The following CNTNAP3B variants were observed in gnomAD, a reference collection of about 807,000 sequenced individuals.
CNTNAP3B encodes the protein contactin associated protein family member 3B.
Under a neutral mutation model 108.9 loss-of-function variants are expected in CNTNAP3B, and 25 were observed. The ratio of observed to expected loss-of-function variants is 0.23; its 90% CI spans 0.17 to 0.32. The LOEUF is 0.32. Ranked by LOEUF, CNTNAP3B falls within the 10% of genes least tolerant of loss-of-function variation. The pLI is 1.00. For missense variants in CNTNAP3B, 252 were observed against 1,210.4 expected (o/e 0.21, Z 11.75); for synonymous variants, 103 against 473.4 (o/e 0.22, Z 10.16).
Position 42,049,220 on chromosome 9 carries a change from C to A in CNTNAP3B, c.390+27649G>T, listed in dbSNP as rs1317866876. Among the ~76,000 whole-genome samples the A allele has an allele frequency of 5.2e-5, 7 of 134,788 alleles. 2 individuals carry two copies. In the East Asian group the frequency reaches 1.6e-3, roughly 31 times the overall value. The allele number at this position is 134,788 out of a possible 152,430, so 88.4% of individuals were successfully genotyped here. A position where few individuals can be genotyped will look rare whatever the true frequency, so the allele number is the denominator to read the frequency against. On this transcript the variant is annotated intron_variant, in intron 3 of 23. Coordinates refer to ENST00000377561, the MANE Select transcript of CNTNAP3B (RefSeq NM_001201380.3). ...CTCATCACCACCTGGGATGGGGGCA[C>A]CATCTTTGAAATCTTATTTAAACTC...
intron 1 of CNTNAP3B, among the ~76,000 whole-genome samples, chr9:42,115,040 C>A (rs1431409065): frequency 7.5e-6 from 1 of 134,172 alleles, no homozygotes; most frequent in African/African-American, 3.0e-5. Context: ...GGTGACAGAG[C>A]AAGACTCCAT....
intron 9 of CNTNAP3B, among the ~76,000 whole-genome samples, chr9:41,984,047 C>T (rs1424657098): frequency 1.2e-5 from 1 of 85,604 alleles, no homozygotes; most frequent in African/African-American, 4.7e-5. Context: ...CGAGACTCCG[C>T]CTCAAAAAAT....
At chr9:42,109,884 T>G (rs1237488486) in intron 1 of CNTNAP3B, among the ~76,000 whole-genome samples, 3 of 136,460 alleles carry the variant, frequency 2.2e-5, no homozygotes, top group Admixed American at 1.5e-4. Flanking sequence ...ATAAAGGTGA[T>G]GATGAACAGA....
intron 14 of CNTNAP3B, among the ~76,000 whole-genome samples, chr9:41,931,021 C>T (rs1309885113): frequency 2.0e-5 from 3 of 152,234 alleles, no homozygotes; most frequent in Admixed American, 2.0e-4. Flanking sequence ...CACTCTTAGT[C>T]CAGTTACGGT....
chr9:41,954,659 TA>T (rs1824800579), intron 12 of CNTNAP3B, among the ~76,000 whole-genome samples: 2 of 152,282 alleles, frequency 1.3e-5, no homozygotes, highest in East Asian at 3.8e-4. Flanking sequence ...AATATTGCTC[TA>T]TTTTTTTATT....
chr9:42,010,377 G>A (rs1156817410), intron 4 of CNTNAP3B, among the ~76,000 whole-genome samples: 6 of 149,110 alleles, frequency 4.0e-5, no homozygotes, highest in Non-Finnish European at 7.4e-5. Context: ...CTGAAATCAT[G>A]CAAGGTGTAA....
intron 9 of CNTNAP3B, among the ~76,000 whole-genome samples, chr9:41,981,748 A>G (rs1261360660): frequency 1.3e-4 from 6 of 46,648 alleles, no homozygotes; most frequent in Non-Finnish European, 2.4e-4. Context: ...CTCAAGATGG[A>G]TTAAAGAATA....
chr9:42,001,296 C>T (rs1826000158), intron 4 of CNTNAP3B, among the ~76,000 whole-genome samples: 1 of 107,816 alleles, frequency 9.3e-6, no homozygotes, highest in Admixed American at 9.6e-5. Context: ...TGCTTATATT[C>T]CCAGCTACTT....
chr9:42,044,715 C>T (rs1374121603), intron 3 of CNTNAP3B, among the ~76,000 whole-genome samples: 7 of 146,670 alleles, frequency 4.8e-5, no homozygotes, highest in Admixed American at 4.1e-4. Context: ...CACCATTTTG[C>T]CCTGAGATGG....
intron 1 of CNTNAP3B, among the ~76,000 whole-genome samples, chr9:42,117,749 G>T (rs1371292866): frequency 2.9e-5 from 4 of 136,116 alleles, no homozygotes; most frequent in African/African-American, 1.2e-4. Context: ...CTGGTTTTTT[G>T]GAAAGATCAA....
At chr9:42,035,614 T>C (rs1008702004) in intron 3 of CNTNAP3B, among the ~76,000 whole-genome samples, 1 of 149,060 alleles carries the variant, frequency 6.7e-6, no homozygotes, top group Non-Finnish European at 1.5e-5. Flanking sequence ...GCCTGACACA[T>C]AGTACACACA....
chr9:42,034,209 T>TCTATCTATCTATCTATCTATCTATCTAA (rs1355339196), intron 3 of CNTNAP3B, among the ~76,000 whole-genome samples: 3 of 135,744 alleles, frequency 2.2e-5, no homozygotes, highest in Non-Finnish European at 4.7e-5. Context: ...TATCTATCTA[T>TCTATCTATCTATCTATCTATCTATCTAA]CTATTTCTCA....
At chr9:42,097,923 C>A (rs1320117683) in intron 2 of CNTNAP3B, among the ~76,000 whole-genome samples, 3 of 138,094 alleles carry the variant, frequency 2.2e-5, no homozygotes, top group African/African-American at 8.7e-5. Context: ...TCAAAATAAT[C>A]CAAGTGAGAC....
At chr9:41,948,477 C>A (rs1193707751) in intron 13 of CNTNAP3B, among the ~76,000 whole-genome samples, 5 of 148,420 alleles carry the variant, frequency 3.4e-5, no homozygotes, top group Non-Finnish European at 6.0e-5. Context: ...AGAATGCTAC[C>A]AAATTCATTT....
At chr9:41,923,164 C>T (rs1441885215) in intron 16 of CNTNAP3B, among the ~76,000 whole-genome samples, 8 of 138,688 alleles carry the variant, frequency 5.8e-5, no homozygotes, top group Non-Finnish European at 9.4e-5. Context: ...CTGGACTACC[C>T]ATAGCTATGT....
chr9:41,953,064 G>C, intron 13 of CNTNAP3B, 119 bp downstream of exon 13: 5 of 1,207,442 alleles, frequency 4.1e-6, no homozygotes, highest in Non-Finnish European at 5.5e-6. Context: ...GAGCGGTCAG[G>C]GCTTTGAACT....
chr9:42,077,119 C>A lies in CNTNAP3B; in HGVS notation c.197-57G>T. ...TAGAGGAGGAAGTTATTTAACATAG[C>A]TGTTACTAGATTAGAAAACTATAAA... On this transcript the variant is annotated intron_variant, in intron 2 of 23. Coordinates refer to ENST00000377561, the MANE Select transcript of CNTNAP3B (RefSeq NM_001201380.3). 1.5e-6 allele frequency: 2 copies of A among 1,375,838 alleles called. 1 individual carries two copies. The highest frequency in any genetic ancestry group is 4.9e-5 in the Admixed American group (2 of 41,134). The allele number at this position is 1,375,838 out of a possible 1,614,324, so 85.2% of individuals were successfully genotyped here. A position where few individuals can be genotyped will look rare whatever the true frequency, so the allele number is the denominator to read the frequency against.
intron 13 of CNTNAP3B, among the ~76,000 whole-genome samples, chr9:41,948,234 G>A (rs1241235996): frequency 3.5e-5 from 5 of 144,712 alleles, no homozygotes; most frequent in African/African-American, 1.3e-4. Context: ...TGGGATTATA[G>A]GTGTGTGCCA....
chr9:41,995,820 G>A lies in CNTNAP3B; in HGVS notation c.1071+385C>T, dbSNP rs959150008. Among the ~76,000 whole-genome samples the A allele has an allele frequency of 1.9e-4, 26 of 138,130 alleles. 4 individuals are homozygous for A. The highest frequency in any genetic ancestry group is 1.4e-4 in the Admixed American group (2 of 13,958). The allele number at this position is 138,130 out of a possible 152,430, so 90.6% of individuals were successfully genotyped here. On this transcript the variant is annotated intron_variant, in intron 7 of 23. Transcript: ENST00000377561. ...GAAGGCCGAGGCAGGCAGATCACCT[G>A]AGGTCAGGAATTCGAGACTAGCCTG...
Sources: gnomAD v4.1 joint callset for allele counts (sites outside exome capture counted in the v4.1 genomes callset) on GRCh38, gnomAD v4.1.1 for gene constraint, MANE v1.5 for transcripts, NCBI Gene and HGNC (gene_info 2026-07-23, HGNC 2026-07-21) for gene names.